Variants in COG6 observed in about 807,000 individuals in gnomAD.
The protein encoded by COG6 is component of oligomeric golgi complex 6.
A neutral mutation model predicts 88.8 loss-of-function variants in COG6; 74 were observed. The ratio of observed to expected loss-of-function variants is 0.83; its 90% CI spans 0.69 to 1.01. The LOEUF (loss-of-function observed/expected upper bound fraction) is 1.01. Among genes scored for constraint, COG6 ranks in the 50% least tolerant of loss-of-function variants. The pLI is 0.00. For synonymous variants in COG6, 286 were observed against 278.7 expected, an observed-to-expected ratio of 1.03 and a Z score of -0.26; for missense variants, 800 against 797.9, an observed-to-expected ratio of 1.00 and a Z score of -0.03.
chr13:39,667,251 T>C (rs1939989418), intron 4 of COG6, among the ~76,000 whole-genome samples: 1 of 152,210 alleles, frequency 6.6e-6, no homozygotes, highest in Admixed American at 6.5e-5. Flanking sequence ...TAAAAACAAC[T>C]AAGTATCAAA....
intron 4 of COG6, among the ~76,000 whole-genome samples, chr13:39,670,829 TA>T (rs1244021006): frequency 6.6e-6 from 1 of 152,098 alleles, no homozygotes; most frequent in Non-Finnish European, 1.5e-5. Flanking sequence ...TAGTTTTTAA[TA>T]GTTTTAATTT....
intron 1 of COG6, chr13:39,656,876 A>C (rs1328447065): frequency 2.2e-6 from 1 of 455,906 alleles, no homozygotes; most frequent in Non-Finnish European, 4.4e-6. Flanking sequence ...TTGAGGACTC[A>C]GTGAGAGACT....
At chr13:39,696,968 T>C (rs1207636667) in intron 12 of COG6, among the ~76,000 whole-genome samples, 1 of 146,170 alleles carries the variant, frequency 6.8e-6, no homozygotes, top group Non-Finnish European at 1.5e-5. Context: ...ACATACTAGA[T>C]AGAGTGAGGT....
intron 8 of COG6, among the ~76,000 whole-genome samples, chr13:39,685,800 A>T (rs928440078): frequency 1.3e-5 from 2 of 152,190 alleles, no homozygotes; most frequent in Non-Finnish European, 1.5e-5. Context: ...TAATTTGTTT[A>T]AAAAATAGTA....
At chr13:39,713,993 T>C (rs1257566921) in intron 13 of COG6, among the ~76,000 whole-genome samples, 1 of 152,206 alleles carries the variant, frequency 6.6e-6, no homozygotes, top group Non-Finnish European at 1.5e-5. Context: ...CCTCATAGAA[T>C]GGCAGTTTGT....
intron 8 of COG6, among the ~76,000 whole-genome samples, chr13:39,683,132 A>G (rs774102151): frequency 1.3e-5 from 2 of 152,206 alleles, no homozygotes; most frequent in Non-Finnish European, 1.5e-5. Context: ...ACTGAGTACT[A>G]TGTGTTAAGC....
At chr13:39,722,534 T>G (rs376828712) in intron 15 of COG6, among the ~76,000 whole-genome samples, 1 of 150,974 alleles carries the variant, frequency 6.6e-6, no homozygotes, top group East Asian at 2.0e-4. Context: ...TACTATGTCA[T>G]TAGCAAGCAA....
At chr13:39,670,632 A>G (rs1296487715) in intron 4 of COG6, among the ~76,000 whole-genome samples, 2 of 152,032 alleles carry the variant, frequency 1.3e-5, no homozygotes, top group Non-Finnish European at 2.9e-5. Flanking sequence ...TGCATGGCAT[A>G]CATTAAAGAC....
In COG6 at chr13:39,752,240, G is replaced by T; in HGVS notation, c.*1147G>T. On this transcript the variant is annotated 3_prime_UTR_variant, in exon 19 of 19. Transcript: ENST00000455146. ...TGAAGCACAAGGAAAAAAATAACTA[G>T]TTTGAAATATTTTGAAAAGTAATAA... is the stretch of plus-strand genomic sequence containing the variant. 1 of 1,030,656 alleles carries T rather than the reference G, an allele frequency of 9.7e-7. No homozygotes were observed. The highest frequency in any genetic ancestry group is 3.7e-5 in the Admixed American group (1 of 26,972). The allele number at this position is 1,030,656 out of a possible 1,614,324, so 63.8% of individuals were successfully genotyped here.
rs757384969 is a variant in COG6, at chr13:39,719,666, T to C, written c.1423T>C (p.Ser475Pro). Residue 475 changes from serine to proline, a missense_variant, in exon 15 of 19, where the codon TCA becomes CCA. Transcript: ENST00000455146. ...ARQADFVQVL[S>P]CVLDPLLQMC... Reference sequence around the variant, plus strand: ...TTTTATTTTTCATTTGTAGGTTTTATCATGTGTCTTGGATCCTCTCCTACA... The same window carrying C: ...TTTTATTTTTCATTTGTAGGTTTTACCATGTGTCTTGGATCCTCTCCTACA... The C allele has an allele frequency of 8.1e-6, 13 of 1,612,076 alleles. No homozygotes were observed. The highest frequency in any genetic ancestry group is 1.1e-5 in the Non-Finnish European group (13 of 1,178,484).
At chr13:39,673,338 G>A (rs1027053692) in intron 4 of COG6, among the ~76,000 whole-genome samples, 1 of 151,760 alleles carries the variant, frequency 6.6e-6, no homozygotes, top group African/African-American at 2.4e-5. Flanking sequence ...TAAAAATTTA[G>A]AAATTTATCA....
chr13:39,791,302 A>T (rs946352512), exon 19 of COG6: 1 of 152,108 alleles, frequency 6.6e-6, no homozygotes, highest in African/African-American at 2.4e-5. Flanking sequence ...GCTCTTAAGC[A>T]TCTATGGAAA....
intron 13 of COG6, among the ~76,000 whole-genome samples, chr13:39,700,981 A>G (rs959712820): frequency 6.6e-6 from 1 of 151,934 alleles, no homozygotes; most frequent in Non-Finnish European, 1.5e-5. Context: ...TGAGTTACCT[A>G]TAAAAGAATT....
chr13:39,758,267 T>TGCCTGTGATCCCAGCACTAG (rs1272432700), intron 18 of COG6, among the ~76,000 whole-genome samples: 1 of 148,544 alleles, frequency 6.7e-6, no homozygotes, highest in Admixed American at 6.8e-5. Flanking sequence ...CGGTGGCTCA[T>TGCCTGTGATCCCAGCACTAG]GCCTGTGATC....
chr13:39,761,390 G>A (rs1304450148), intron 18 of COG6, among the ~76,000 whole-genome samples: 1 of 151,924 alleles, frequency 6.6e-6, no homozygotes, highest in Non-Finnish European at 1.5e-5. Context: ...ACCCCTAATG[G>A]ATAAAAGACT....
At chr13:39,740,198 G>A (rs930167334) in intron 18 of COG6, among the ~76,000 whole-genome samples, 2 of 152,150 alleles carry the variant, frequency 1.3e-5, no homozygotes, top group African/African-American at 4.8e-5. Flanking sequence ...AAATTCTCAT[G>A]GAATCATTTC....
chr13:39,655,973 C>T lies in COG6; in HGVS notation c.153+94C>T, dbSNP rs950024029. The T allele has an allele frequency of 1.2e-5, 17 of 1,466,800 alleles. No homozygotes were observed. In the Admixed American group the frequency reaches 2.4e-4, roughly 20 times the overall value. The allele number at this position is 1,466,800 out of a possible 1,614,324, so 90.9% of individuals were successfully genotyped here. A position where few individuals can be genotyped will look rare whatever the true frequency, so the allele number is the denominator to read the frequency against. ...GTCAGGGACCCACCGCGGTCTCCCT[C>T]GTCCCGGCAGCAGAGGGACCGCGAG... On this transcript the variant is annotated intron_variant, in intron 1 of 18. Coordinates refer to ENST00000455146, the MANE Select transcript of COG6 (RefSeq NM_020751.3).
chr13:39,770,999 A>G (rs778760309), intron 18 of COG6, among the ~76,000 whole-genome samples: 2 of 152,116 alleles, frequency 1.3e-5, no homozygotes, highest in Non-Finnish European at 2.9e-5. Context: ...AGAAAATCCT[A>G]CATTCTCTGG....
intron 3 of COG6, among the ~76,000 whole-genome samples, chr13:39,663,474 G>A (rs1875042965): frequency 6.6e-6 from 1 of 152,028 alleles, no homozygotes; most frequent in Non-Finnish European, 1.5e-5. Flanking sequence ...AATTGCACAA[G>A]GCAAGACTGT....
Sources: gnomAD v4.1 joint callset for allele counts (sites outside exome capture counted in the v4.1 genomes callset) on GRCh38, gnomAD v4.1.1 for gene constraint, MANE v1.5 for transcripts, NCBI Gene and HGNC (gene_info 2026-07-23, HGNC 2026-07-21) for gene names.